The following CDK12 variants were observed in gnomAD, a reference collection of about 807,000 sequenced individuals.
The protein encoded by CDK12 is cyclin-dependent kinase 12.
A neutral mutation model predicts 133.8 loss-of-function variants in CDK12; 17 were observed. That is an observed-to-expected ratio of 0.13 (90% CI 0.09 to 0.19). The LOEUF (loss-of-function observed/expected upper bound fraction) is 0.19. CDK12 is among the 10% of genes least tolerant of loss of function. The pLI is 1.00. For synonymous variants in CDK12, 694 were observed against 683.6 expected (o/e 1.02, Z -0.24); for missense variants, 1,508 against 1,818.7 (o/e 0.83, Z 3.11).
intron 10 of CDK12, 132 bp downstream of exon 10, chr17:39,517,688 CG>C (rs1567768811): frequency 5.0e-5 from 31 of 619,080 alleles, no homozygotes; most frequent in Admixed American, 1.2e-4. Flanking sequence ...ATTTTAGTTT[CG>C]AACAGTATAT....
chr17:39,468,914 C>T lies in CDK12; in HGVS notation c.1047-1965C>T, dbSNP rs1019969148. Among the ~76,000 whole-genome samples the T allele has an allele frequency of 4.6e-5, 7 of 152,006 alleles. No homozygotes were observed. The South Asian group carries it at 6.2e-4, about 14-fold the overall frequency. On this transcript the variant is annotated intron_variant, in intron 1 of 13. Coordinates refer to ENST00000447079, the MANE Select transcript of CDK12 (RefSeq NM_016507.4). ...TGCAACCTTGGCTTACTGCAACCTC[C>T]GCCTCCTGGGTTCAAGTGATTCTCC...
At chr17:39,503,038 C>T (rs2052838721) in intron 6 of CDK12, among the ~76,000 whole-genome samples, 1 of 152,112 alleles carries the variant, frequency 6.6e-6, no homozygotes, top group South Asian at 2.1e-4. Context: ...GAGATCAATC[C>T]ACTACACTCC....
chr17:39,536,796 C>A (rs984541942), downstream of CDK12, among the ~76,000 whole-genome samples: 1 of 152,202 alleles, frequency 6.6e-6, no homozygotes. Context: ...GAGACTGATA[C>A]TGAGTTTGTC....
At chr17:39,544,422 C>T (rs2055569322), upstream of CDK12, 2 of 379,604 alleles carry the variant, frequency 5.3e-6, no homozygotes, top group Admixed American at 6.2e-5. Context: ...ACCCTACTCC[C>T]ATCCCACCCC....
At chr17:39,468,597 T>C (rs1045555569) in intron 1 of CDK12, among the ~76,000 whole-genome samples, 4 of 152,012 alleles carry the variant, frequency 2.6e-5, no homozygotes, top group African/African-American at 9.7e-5. Flanking sequence ...TGCTTCAGCC[T>C]CCCGAGTAGC....
chr17:39,534,558 A>G, downstream of CDK12: 1 of 230,788 alleles, frequency 4.3e-6, no homozygotes. Flanking sequence ...CTTTTGCTCC[A>G]TTGCATTTAC....
At chr17:39,548,688 T>A (rs2055827418), upstream of CDK12, among the ~76,000 whole-genome samples, 1 of 152,138 alleles carries the variant, frequency 6.6e-6, no homozygotes, top group Admixed American at 6.5e-5. Flanking sequence ...CCAAAAATGG[T>A]GTCAGAAAGC....
At chr17:39,496,472 G>T (rs1188366691) in intron 5 of CDK12, among the ~76,000 whole-genome samples, 1 of 152,092 alleles carries the variant, frequency 6.6e-6, no homozygotes, top group Admixed American at 6.6e-5. Context: ...GGCCGAGTCA[G>T]GTTGATCACC....
At position 39,463,049 on chromosome 17, in the gene CDK12, C is replaced by T; in HGVS notation, c.978C>T (p.Pro326=). The change falls in exon 1 of 14, where the codon CCC becomes CCT. Residue 326 remains proline (P), a synonymous_variant. Coordinates refer to ENST00000447079, the MANE Select transcript of CDK12 (RefSeq NM_016507.4). ...CTTACAGCGGGCGATCGCCCAGTCC[C>T]TATGGTCGAAGGCGGTCCAGCAGCC... ...SGSYSGRSPS[P]YGRRRSSSPF... 1.2e-6 allele frequency: 2 copies of T among 1,614,196 alleles called. No individual in the cohort carries two copies. The highest frequency in any genetic ancestry group is 1.7e-6 in the Non-Finnish European group (2 of 1,180,034).
In CDK12 at chr17:39,490,738, GT is replaced by G; in HGVS notation, c.2108+10del. The G allele has an allele frequency of 6.3e-7, 1 of 1,585,784 alleles. No homozygotes were observed. Among genetic ancestry groups the G allele is most frequent in the South Asian group, 1.1e-5 (1 of 87,858 alleles). On this transcript the variant is annotated splice_donor_region_variant and intron_variant, in intron 3 of 13. Transcript: ENST00000447079. ...ACCATATAAAAAGAGACCAAAGTGA[GT>G]TTTTGGAGGAATCTGTCTTTCATGA...
intron 9 of CDK12, among the ~76,000 whole-genome samples, chr17:39,517,221 C>T (rs780027516): frequency 7.9e-5 from 12 of 152,128 alleles, no homozygotes; most frequent in Non-Finnish European, 1.0e-4. Context: ...GATTATTATC[C>T]GAGTATTTTT....
chr17:39,516,056 T>TG (rs2053783447), intron 9 of CDK12, among the ~76,000 whole-genome samples: 3 of 152,192 alleles, frequency 2.0e-5, no homozygotes, highest in Admixed American at 2.0e-4. Flanking sequence ...CATACCATTT[T>TG]GGGGATGGCT....
chr17:39,472,548 C>T (rs556973224), intron 2 of CDK12, among the ~76,000 whole-genome samples: 2 of 151,928 alleles, frequency 1.3e-5, no homozygotes, highest in South Asian at 4.2e-4. Flanking sequence ...GTGGTGGGCC[C>T]CTGTAATCCC....
chr17:39,524,876 G>A lies in CDK12; in HGVS notation c.3298G>A (p.Asp1100Asn). 1 of 1,613,378 alleles carries A rather than the reference G, an allele frequency of 6.2e-7. No homozygotes were observed. The highest frequency in any genetic ancestry group is 1.1e-5 in the South Asian group (1 of 91,028). Residue 1100 changes from aspartate (D) to asparagine (N), a missense_variant, in exon 12 of 14, where the codon GAT becomes AAT. Asp to Asn is a conservative substitution (Grantham distance 23). Around this residue, in one of 9 missense-constraint regions of CDK12, gnomAD observed 399 missense variants for 469.6 expected, o/e 0.85. Transcript: ENST00000447079. ...TGGCAAGGTGGAGTCTGGGGCTGGG[G>A]ATGCAATAGGTCAGTGCCAGAATGG... The part of the protein sequence containing the change: ...APGKVESGAG[D>N]AIGLADITQQ...
downstream of CDK12, among the ~76,000 whole-genome samples, chr17:39,565,454 A>C (rs2056540197): frequency 7.4e-6 from 1 of 134,600 alleles, no homozygotes; most frequent in South Asian, 2.4e-4. Flanking sequence ...TTTAAAAAAA[A>C]CGGAGTTTCG....
At chr17:39,494,381 A>C in intron 4 of CDK12, 143 bp from the exon 5 acceptor site, 1 of 665,946 alleles carries the variant, frequency 1.5e-6, no homozygotes. Context: ...CCTAGAGTTT[A>C]CTTTTTAAAG....
exon 1 of CDK12, chr17:39,550,424 T>C (rs1289652746): frequency 6.6e-6 from 1 of 152,172 alleles, no homozygotes; most frequent in African/African-American, 2.4e-5. Flanking sequence ...GAGCCCAAAA[T>C]CACAGCCAGA....
intron 2 of CDK12, among the ~76,000 whole-genome samples, chr17:39,554,938 A>G (rs1051588996): frequency 3.4e-5 from 5 of 145,262 alleles, no homozygotes; most frequent in African/African-American, 5.1e-5. Flanking sequence ...TTGTTTGCCA[A>G]TGTATCCAGA....
At chr17:39,492,348 G>A (rs1427278226) in intron 3 of CDK12, among the ~76,000 whole-genome samples, 1 of 149,906 alleles carries the variant, frequency 6.7e-6, no homozygotes, top group African/African-American at 2.5e-5. Flanking sequence ...CACCTGCCTC[G>A]GCCTCCCAAA....
Sources: allele counts gnomAD v4.1 joint callset (sites outside exome capture counted in the v4.1 genomes callset), GRCh38; gene constraint gnomAD v4.1.1; regional missense constraint gnomAD v4.1.1; transcripts MANE v1.5; gene names NCBI Gene and HGNC (gene_info 2026-07-23, HGNC 2026-07-21).